Variants in UBE2G1 observed in about 807,000 individuals in gnomAD.
UBE2G1 encodes the protein ubiquitin conjugating enzyme E2 G1.
UBE2G1 carries 5 observed loss-of-function variants against 22.7 expected under a neutral mutation model. The observed-to-expected ratio is 0.22, with a 90% CI of 0.12 to 0.46. The LOEUF is 0.46. Among genes scored for constraint, UBE2G1 ranks in the 20% least tolerant of loss-of-function variants. UBE2G1 has a pLI of 0.99. For synonymous variants in UBE2G1, 74 were observed against 67.5 expected (o/e 1.10, Z -0.47); for missense variants, 88 against 203.9 (o/e 0.43, Z 3.46).
intron 1 of UBE2G1, among the ~76,000 whole-genome samples, chr17:4,318,909 A>G (rs1368584558): frequency 6.6e-6 from 1 of 152,238 alleles, no homozygotes; most frequent in Non-Finnish European, 1.5e-5. Context: ...AGACTTCAGA[A>G]AAACAGTCTC....
chr17:4,335,699 T>C (rs891447594), intron 1 of UBE2G1, among the ~76,000 whole-genome samples: 2 of 152,190 alleles, frequency 1.3e-5, no homozygotes, highest in African/African-American at 4.8e-5. Context: ...TACGTCATAG[T>C]TTCTTTGACA....
intron 3 of UBE2G1, among the ~76,000 whole-genome samples, chr17:4,290,295 C>G (rs573657516): frequency 6.6e-6 from 1 of 152,168 alleles, no homozygotes; most frequent in Non-Finnish European, 1.5e-5. Context: ...CTAACTTATC[C>G]TATATAGTCT....
At chr17:4,287,480 T>C (rs2143693810) in intron 4 of UBE2G1, among the ~76,000 whole-genome samples, 1 of 152,264 alleles carries the variant, frequency 6.6e-6, no homozygotes. Flanking sequence ...CTCAAAATGA[T>C]TTCCTAGGAT....
Position 4,296,588 on chromosome 17 carries a change from G to A in UBE2G1, c.247+129C>T. 8 of 924,188 alleles carry A rather than the reference G, an allele frequency of 8.7e-6. No homozygotes were observed. The East Asian group carries it at 1.8e-4, about 21-fold the overall frequency. The allele number at this position is 924,188 out of a possible 1,614,324, so 57.2% of individuals were successfully genotyped here. A position where few individuals can be genotyped will look rare whatever the true frequency, so the allele number is the denominator to read the frequency against. ...TTTAAAGGTTTTAGTACACAGCCAT[G>A]TGCACAATGAACAGTACAAAAATGC... On this transcript the variant is annotated intron_variant, in intron 3 of 5. Transcript: ENST00000396981.
intron 1 of UBE2G1, among the ~76,000 whole-genome samples, chr17:4,329,330 C>T (rs1969540862): frequency 6.7e-6 from 1 of 148,486 alleles, no homozygotes; most frequent in Non-Finnish European, 1.5e-5. Flanking sequence ...ACCTGGGAGG[C>T]GGAGGTTGCA....
chr17:4,311,730 C>T (rs1486480649), intron 1 of UBE2G1, among the ~76,000 whole-genome samples: 1 of 152,154 alleles, frequency 6.6e-6, no homozygotes, highest in East Asian at 1.9e-4. Context: ...TGCACAACAT[C>T]GTGAATACAC....
chr17:4,304,026 T>TTTTG, intron 2 of UBE2G1, among the ~76,000 whole-genome samples: 1 of 152,272 alleles, frequency 6.6e-6, no homozygotes, highest in Admixed American at 6.5e-5. Flanking sequence ...GACTTTCTGG[T>TTTTG]TTTGTTTGTT....
chr17:4,309,230 G>GA (rs1969280682), intron 1 of UBE2G1, among the ~76,000 whole-genome samples: 1 of 152,224 alleles, frequency 6.6e-6, no homozygotes, highest in Admixed American at 6.5e-5. Flanking sequence ...CTGTATTCCA[G>GA]CCTGGGTGAC....
chr17:4,332,207 C>T (rs1969586975), intron 1 of UBE2G1, among the ~76,000 whole-genome samples: 1 of 152,058 alleles, frequency 6.6e-6, no homozygotes, highest in Non-Finnish European at 1.5e-5. Context: ...CATACACAAA[C>T]CTCAATTTTA....
intron 5 of UBE2G1, among the ~76,000 whole-genome samples, chr17:4,279,336 C>T (rs1968855683): frequency 6.6e-6 from 1 of 150,576 alleles, no homozygotes; most frequent in African/African-American, 2.4e-5. Context: ...TGTTGGAAAT[C>T]TGATTGTAGA....
rs1230952291 is a variant in UBE2G1, at chr17:4,334,910, TA to T, written c.47-27788del. ...AAAGAGCAACTCACAGACATAAATA[TA>T]TAAAATTGAATGAAGTACTGAAGCC... On this transcript the variant is annotated intron_variant, in intron 1 of 5. Transcript: ENST00000396981. Among the ~76,000 whole-genome samples the T allele has an allele frequency of 2.6e-5, 4 of 152,116 alleles. No homozygotes were observed. In the East Asian group the frequency reaches 7.7e-4, roughly 29 times the overall value.
chr17:4,355,024 G>C (rs545007315), intron 1 of UBE2G1, among the ~76,000 whole-genome samples: 3 of 151,990 alleles, frequency 2.0e-5, no homozygotes, highest in African/African-American at 7.3e-5. Flanking sequence ...CCGAGGAAGT[G>C]GAGGGTGCAG....
intron 1 of UBE2G1, among the ~76,000 whole-genome samples, chr17:4,346,963 G>A (rs1182605104): frequency 6.6e-6 from 1 of 151,024 alleles, no homozygotes; most frequent in Non-Finnish European, 1.5e-5. Flanking sequence ...GACCAACCTG[G>A]CCAACACAGT....
At chr17:4,283,559 C>A (rs892157034) in intron 4 of UBE2G1, among the ~76,000 whole-genome samples, 69 of 152,156 alleles carry the variant, frequency 4.5e-4, no homozygotes, top group Non-Finnish European at 2.1e-4. Context: ...TGGAAACAAC[C>A]AGAAAATAAA....
chr17:4,282,991 TAATTTTG>T, intron 4 of UBE2G1, 70 bp from the exon 5 acceptor site: 3 of 1,240,700 alleles, frequency 2.4e-6, no homozygotes, highest in Non-Finnish European at 3.4e-6. Context: ...ATATTTATTT[TAATTTTG>T]AATGTAATCC....
At chr17:4,334,344 A>G (rs1039465590) in intron 1 of UBE2G1, among the ~76,000 whole-genome samples, 1 of 152,234 alleles carries the variant, frequency 6.6e-6, no homozygotes, top group Non-Finnish European at 1.5e-5. Flanking sequence ...TGGCAAAATC[A>G]GATTTCTACT....
intron 1 of UBE2G1, among the ~76,000 whole-genome samples, 160 bp from the exon 2 acceptor site, chr17:4,307,283 A>G (rs995441337): frequency 1.1e-4 from 16 of 152,242 alleles, no homozygotes; most frequent in African/African-American, 3.6e-4. Flanking sequence ...AAACATTTTC[A>G]TGCCTATACT....
chr17:4,300,089 T>TG (rs1413918828), intron 2 of UBE2G1, among the ~76,000 whole-genome samples: 2 of 149,960 alleles, frequency 1.3e-5, no homozygotes, highest in African/African-American at 2.4e-5. Context: ...CCTACCTGCT[T>TG]TTTTTTTTTG....
intron 1 of UBE2G1, among the ~76,000 whole-genome samples, chr17:4,320,125 G>A (rs905754279): frequency 5.3e-5 from 8 of 151,772 alleles, no homozygotes; most frequent in Admixed American, 3.9e-4. Context: ...TTTCTGTATT[G>A]TCGTAATTTT....
Sources: allele counts gnomAD v4.1 joint callset (sites outside exome capture counted in the v4.1 genomes callset), GRCh38; gene constraint gnomAD v4.1.1; transcripts MANE v1.5; gene names NCBI Gene and HGNC (gene_info 2026-07-23, HGNC 2026-07-21).